Variants in SLC4A7 observed in about 807,000 individuals in gnomAD.
SLC4A7 encodes the protein sodium bicarbonate cotransporter 3.
SLC4A7 carries 51 observed loss-of-function variants against 137.6 expected under a neutral mutation model. That is an observed-to-expected ratio of 0.37 (90% CI 0.30 to 0.47). The LOEUF (loss-of-function observed/expected upper bound fraction) is 0.47, where lower values mean the gene tolerates loss of function less well. Among genes scored for constraint, SLC4A7 ranks in the 20% least tolerant of loss-of-function variants. The pLI, the probability that SLC4A7 is intolerant of heterozygous loss-of-function variation, is 1.00. For missense variants in SLC4A7, 1,247 were observed against 1,525.4 expected (o/e 0.82, Z 3.04); for synonymous variants, 542 against 518.6 (o/e 1.05, Z -0.61).
chr3:27,453,261 A>T (rs1376036265), intron 1 of SLC4A7, among the ~76,000 whole-genome samples: 1 of 152,196 alleles, frequency 6.6e-6, no homozygotes, highest in Non-Finnish European at 1.5e-5. Flanking sequence ...ACTTATTATT[A>T]ACTTATTATA....
intron 1 of SLC4A7, among the ~76,000 whole-genome samples, chr3:27,473,128 T>C (rs116400100): frequency 1.0e-3 from 153 of 150,474 alleles, no homozygotes; most frequent in African/African-American, 3.6e-3. Context: ...GAAGAAAACA[T>C]CTATCTCAAA....
At chr3:27,430,027 G>A (rs1209063615) in intron 7 of SLC4A7, among the ~76,000 whole-genome samples, 1 of 152,036 alleles carries the variant, frequency 6.6e-6, no homozygotes, top group Non-Finnish European at 1.5e-5. Context: ...ACCAGCCTGG[G>A]CAACACAGCA....
intron 18 of SLC4A7, among the ~76,000 whole-genome samples, chr3:27,396,961 G>A (rs2052234807): frequency 6.6e-6 from 1 of 151,938 alleles, no homozygotes; most frequent in African/African-American, 2.4e-5. Context: ...TCCAACTACT[G>A]TCAGATATAC....
At chr3:27,399,285 C>T (rs2150132992) in intron 16 of SLC4A7, among the ~76,000 whole-genome samples, 2 of 152,190 alleles carry the variant, frequency 1.3e-5, no homozygotes, top group African/African-American at 4.8e-5. Flanking sequence ...CATGAAAACA[C>T]TTATATCTAT....
chr3:27,428,786 G>A (rs775354535), intron 7 of SLC4A7, among the ~76,000 whole-genome samples: 3 of 152,164 alleles, frequency 2.0e-5, no homozygotes, highest in Non-Finnish European at 4.4e-5. Context: ...TTGGAGAAAT[G>A]TGATAATACT....
At chr3:27,441,606 C>T (rs183355822) in intron 3 of SLC4A7, among the ~76,000 whole-genome samples, 1 of 152,208 alleles carries the variant, frequency 6.6e-6, no homozygotes, top group Non-Finnish European at 1.5e-5. Flanking sequence ...GATCAATCCA[C>T]CTCAGCCTCC....
At chr3:27,408,152 C>T (rs181146018) in intron 13 of SLC4A7, among the ~76,000 whole-genome samples, 92 of 152,228 alleles carry the variant, frequency 6.0e-4, no homozygotes, top group African/African-American at 2.0e-3. Flanking sequence ...ACTTTTTTCA[C>T]TTAGAATCCT....
At chr3:27,424,251 A>T (rs2055310027) in intron 7 of SLC4A7, 99 bp from the exon 8 acceptor site, 1 of 601,264 alleles carries the variant, frequency 1.7e-6, no homozygotes, top group Admixed American at 3.4e-5. Flanking sequence ...AATATTATAA[A>T]AGCAAATGTG....
At chr3:27,483,866 G>A (rs980541480) in intron 1 of SLC4A7, among the ~76,000 whole-genome samples, 27 of 151,158 alleles carry the variant, frequency 1.8e-4, no homozygotes, top group Admixed American at 3.3e-4. Flanking sequence ...CCTCCCGAGC[G>A]CAGCCGCTGG....
intron 15 of SLC4A7, among the ~76,000 whole-genome samples, chr3:27,401,231 C>A (rs193046351): frequency 6.6e-6 from 1 of 152,284 alleles, no homozygotes; most frequent in Admixed American, 6.5e-5. Flanking sequence ...CTCCACTCCC[C>A]CATAGCACAT....
chr3:27,461,879 T>C (rs1016379086), intron 1 of SLC4A7, among the ~76,000 whole-genome samples: 2 of 151,860 alleles, frequency 1.3e-5, no homozygotes, highest in African/African-American at 4.8e-5. Context: ...GGAGGATCAC[T>C]TGAACCTGGG....
At chr3:27,383,997 T>A (rs1435751526) in intron 23 of SLC4A7, among the ~76,000 whole-genome samples, 2 of 152,118 alleles carry the variant, frequency 1.3e-5, no homozygotes, top group African/African-American at 4.8e-5. Context: ...AGATTAAGGC[T>A]CAAGCTCAGG....
chr3:27,405,025 A>G (rs2053197733), intron 13 of SLC4A7, 62 bp from the exon 14 acceptor site: 1 of 1,174,126 alleles, frequency 8.5e-7, no homozygotes, highest in African/African-American at 1.6e-5. Flanking sequence ...CTAACGTACT[A>G]TAATACATGT....
At chr3:27,393,375 T>C (rs181056715) in intron 20 of SLC4A7, among the ~76,000 whole-genome samples, 161 of 152,362 alleles carry the variant, frequency 1.1e-3, no homozygotes, top group African/African-American at 3.7e-3. Context: ...CTATTTTGAA[T>C]ATCTAACTAT....
Position 27,376,462 on chromosome 3 carries a change from CAG to C in SLC4A7, c.*300_*301del. On this transcript the variant is annotated 3_prime_UTR_variant, in exon 26 of 26. Coordinates refer to ENST00000454389, the MANE Select transcript of SLC4A7 (RefSeq NM_001321103.2). ...GTTTTTACGAATTGCCACTGATGAA[CAG>C]AGATTTAAGAAAAGTAGACTGAAAG... The C allele has an allele frequency of 5.1e-6, 1 of 195,282 alleles. No homozygotes were observed. Among genetic ancestry groups the C allele is most frequent in the Non-Finnish European group, 1.0e-5 (1 of 96,924 alleles). 12.1% of individuals were successfully genotyped at this position (195,282 alleles called of 1,614,324 possible).
intron 1 of SLC4A7, among the ~76,000 whole-genome samples, chr3:27,464,842 G>A (rs1031536143): frequency 6.6e-6 from 1 of 152,198 alleles, no homozygotes; most frequent in Non-Finnish European, 1.5e-5. Context: ...TGCAGTGGGG[G>A]AAGAGCCTGG....
At chr3:27,403,471 G>A in intron 14 of SLC4A7, 87 bp from the exon 15 acceptor site, 1 of 786,316 alleles carries the variant, frequency 1.3e-6, no homozygotes, top group South Asian at 2.0e-5. Flanking sequence ...AATGGGAACA[G>A]CAAGAAAACA....
intron 1 of SLC4A7, among the ~76,000 whole-genome samples, chr3:27,473,802 A>T (rs2059355131): frequency 1.3e-5 from 2 of 152,118 alleles, no homozygotes; most frequent in South Asian, 4.1e-4. Flanking sequence ...ACATCTTTTA[A>T]GTTATCTAAT....
chr3:27,473,749 C>A (rs1411531706), intron 1 of SLC4A7, among the ~76,000 whole-genome samples: 1 of 147,958 alleles, frequency 6.8e-6, no homozygotes, highest in African/African-American at 2.5e-5. Context: ...GTATATTAAC[C>A]CAATAAAATT....
Sources: gnomAD v4.1 joint callset for allele counts (sites outside exome capture counted in the v4.1 genomes callset) on GRCh38, gnomAD v4.1.1 for gene constraint, MANE v1.5 for transcripts, NCBI Gene and HGNC (gene_info 2026-07-23, HGNC 2026-07-21) for gene names.